Variants in PDE4B observed in about 807,000 individuals in gnomAD.
PDE4B encodes phosphodiesterase 4B.
In PDE4B, 20 loss-of-function variants were observed where a neutral mutation model predicts 82.2. That is an observed-to-expected ratio of 0.24 (90% confidence interval 0.17 to 0.35). The LOEUF (loss-of-function observed/expected upper bound fraction) is 0.35, where lower values mean the gene tolerates loss of function less well. Ranked by LOEUF, PDE4B falls within the 10% of genes least tolerant of loss-of-function variation. The probability of loss-of-function intolerance (pLI) is 1.00; values close to 1 mark genes in which losing one functional copy is unlikely to be tolerated. For missense variants in PDE4B, 655 were observed against 907.2 expected, an observed-to-expected ratio of 0.72 and a Z score of 3.57; for synonymous variants, 320 against 318.9, an observed-to-expected ratio of 1.00 and a Z score of -0.04.
At chr1:65,887,255 C>CTTTCTT (rs1557799117) in intron 1 of PDE4B, among the ~76,000 whole-genome samples, 2 of 39,256 alleles carry the variant, frequency 5.1e-5, no homozygotes, top group African/African-American at 1.1e-4. Flanking sequence ...TCTTTTCTTT[C>CTTTCTT]TTTCTTTCCT....
chr1:66,004,737 G>A (rs954701822), intron 3 of PDE4B, among the ~76,000 whole-genome samples: 2 of 152,008 alleles, frequency 1.3e-5, no homozygotes, highest in Non-Finnish European at 2.9e-5. Context: ...ATATCAGAAA[G>A]TTTATTCATG....
chr1:65,925,878 A>C (rs1327670464), intron 3 of PDE4B, among the ~76,000 whole-genome samples: 1 of 152,184 alleles, frequency 6.6e-6, no homozygotes, highest in African/African-American at 2.4e-5. Flanking sequence ...TAATCTGTTA[A>C]GGTCCACTGC....
intron 3 of PDE4B, among the ~76,000 whole-genome samples, chr1:65,999,071 C>T (rs1054516607): frequency 1.3e-5 from 2 of 152,108 alleles, no homozygotes; most frequent in African/African-American, 4.8e-5. Context: ...GTAAAAAGGG[C>T]TTTGCAAAGT....
chr1:65,946,532 G>A (rs1648722286), intron 3 of PDE4B, among the ~76,000 whole-genome samples: 1 of 151,974 alleles, frequency 6.6e-6, no homozygotes, highest in African/African-American at 2.4e-5. Flanking sequence ...TTCTGGTCAC[G>A]TGGTCACTTG....
At chr1:66,330,664 G>T in intron 7 of PDE4B, 2 of 485,512 alleles carry the variant, frequency 4.1e-6, no homozygotes, top group Non-Finnish European at 5.4e-6. Context: ...TTTATTAGAG[G>T]CAGGGAATGA....
At chr1:65,887,197 T>G (rs1646790070) in intron 1 of PDE4B, among the ~76,000 whole-genome samples, 1 of 13,352 alleles carries the variant, frequency 7.5e-5, no homozygotes, top group African/African-American at 3.6e-4. Context: ...TTTCTTTCTT[T>G]CTTTCTTTCT....
chr1:66,315,669 A>G (rs1385953978), intron 7 of PDE4B, among the ~76,000 whole-genome samples: 1 of 152,166 alleles, frequency 6.6e-6, no homozygotes, highest in Non-Finnish European at 1.5e-5. Context: ...CATGTTGGTC[A>G]GGCTGGTCTC....
intron 3 of PDE4B, among the ~76,000 whole-genome samples, chr1:66,216,142 G>T (rs553636091): frequency 6.6e-6 from 1 of 151,716 alleles, no homozygotes; most frequent in African/African-American, 2.4e-5. Flanking sequence ...GTGTGTCGGT[G>T]AGGGTATTTC....
chr1:66,363,443 G>A lies in PDE4B; in HGVS notation c.1156G>A (p.Asp386Asn). ...CCTAAAGACATTCAGAATCTCATCT[G>A]ACACATTTATAACCTACATGATGAC... Reference protein sequence around the residue: ...DLLKTFRISSDTFITYMMTLE... With the variant: ...DLLKTFRISSNTFITYMMTLE... The change falls in exon 12 of 17, where the codon GAC becomes AAC. Residue 386 changes from aspartate to asparagine, a missense_variant. This residue lies in a region of PDE4B where 283 missense variants were observed against 516.4 expected (regional missense o/e 0.55). Transcript: ENST00000341517. 6.2e-7 allele frequency: 1 copy of A among 1,613,370 alleles called. No homozygotes were observed. Among genetic ancestry groups the A allele is most frequent in the African/African-American group, 1.3e-5 (1 of 74,940 alleles).
In PDE4B at chr1:65,982,509, T is replaced by C. The variant is rs539269081; in HGVS notation, c.281+63674T>C. 1.0e-3 allele frequency among the ~76,000 whole-genome samples: 156 copies of C among 152,246 alleles called. 1 individual carries two copies. The Middle Eastern group carries it at 0.014, about 13-fold the overall frequency. On this transcript the variant is annotated intron_variant, in intron 3 of 16. Transcript: ENST00000341517. ...CATCAAAAGTGTGACTAGACAATCA[T>C]TTGCTACAAAGAGAAGCATGTGACT...
chr1:66,250,346 A>G (rs1653666997), intron 4 of PDE4B, among the ~76,000 whole-genome samples: 1 of 152,192 alleles, frequency 6.6e-6, no homozygotes. Context: ...TGAATTTTTT[A>G]TGAATGGTGG....
At chr1:66,219,640 A>G (rs1166526288) in intron 3 of PDE4B, among the ~76,000 whole-genome samples, 1 of 152,178 alleles carries the variant, frequency 6.6e-6, no homozygotes, top group African/African-American at 2.4e-5. Flanking sequence ...GGGCAATGAC[A>G]TGTGAAGAGG....
chr1:65,825,692 A>G (rs1316786718), intron 1 of PDE4B, among the ~76,000 whole-genome samples: 2 of 145,288 alleles, frequency 1.4e-5, no homozygotes, highest in African/African-American at 5.3e-5. Context: ...AAAAAAAATT[A>G]AAAACAAAAT....
At chr1:66,181,037 G>T (rs1238048271) in intron 3 of PDE4B, among the ~76,000 whole-genome samples, 1 of 152,152 alleles carries the variant, frequency 6.6e-6, no homozygotes, top group Non-Finnish European at 1.5e-5. Context: ...AGATGAAGCT[G>T]GGTACAAATC....
At chr1:66,096,528 A>G (rs1011468787) in intron 3 of PDE4B, among the ~76,000 whole-genome samples, 1 of 141,034 alleles carries the variant, frequency 7.1e-6, no homozygotes, top group Non-Finnish European at 1.5e-5. Context: ...ATATATATAT[A>G]TATATATATA....
chr1:66,042,993 G>A (rs1335781462), intron 3 of PDE4B, among the ~76,000 whole-genome samples: 2 of 151,630 alleles, frequency 1.3e-5, no homozygotes, highest in Admixed American at 6.6e-5. Context: ...AAATTCATGT[G>A]TTCTTTTCAT....
intron 1 of PDE4B, among the ~76,000 whole-genome samples, chr1:65,803,682 C>T (rs150948153): frequency 2.0e-4 from 30 of 152,118 alleles, no homozygotes; most frequent in African/African-American, 6.7e-4. Context: ...TTAAAATGTA[C>T]GATTCCAGTG....
At position 65,998,415 on chromosome 1, in the gene PDE4B, C is replaced by T. The variant is rs1042820576; in HGVS notation, c.281+79580C>T. The stretch of plus-strand genomic sequence containing the variant: ...GTTGGAGTTTTAGCCCATCCATTCT[C>T]GGTGAGGAGCCACGACAGGTTATGA... On this transcript the variant is annotated intron_variant, in intron 3 of 16. Transcript: ENST00000341517. 3.3e-5 allele frequency among the ~76,000 whole-genome samples: 5 copies of T among 150,000 alleles called. No homozygotes were observed. The South Asian group carries it at 6.4e-4, about 19-fold the overall frequency.
At chr1:65,822,714 A>G (rs1280493094) in intron 1 of PDE4B, among the ~76,000 whole-genome samples, 1 of 152,136 alleles carries the variant, frequency 6.6e-6, no homozygotes, top group African/African-American at 2.4e-5. Flanking sequence ...ACATGAGGAC[A>G]CAGCATTTGA....
Sources: allele counts gnomAD v4.1 joint callset (sites outside exome capture counted in the v4.1 genomes callset), GRCh38; gene constraint gnomAD v4.1.1; regional missense constraint gnomAD v4.1.1; transcripts MANE v1.5; gene names NCBI Gene and HGNC (gene_info 2026-07-23, HGNC 2026-07-21).